Variants in SIK2 observed in about 807,000 individuals in gnomAD.
SIK2 encodes the protein serine/threonine-protein kinase SIK2.
Under a neutral mutation model 103.2 loss-of-function variants are expected in SIK2, and 29 were observed. The ratio of observed to expected loss-of-function variants is 0.28; its 90% CI spans 0.21 to 0.38. The LOEUF is 0.38. Among genes scored for constraint, SIK2 ranks in the 10% least tolerant of loss-of-function variants. The pLI is 1.00. For missense variants in SIK2, 879 were observed against 1,171.0 expected, an observed-to-expected ratio of 0.75 and a Z score of 3.64; for synonymous variants, 412 against 446.1, an observed-to-expected ratio of 0.92 and a Z score of 0.96.
chr11:111,723,255 C>T lies in SIK2; in HGVS notation c.2148-241C>T, dbSNP rs148687227. On this transcript the variant is annotated intron_variant, in intron 14 of 14. Transcript: ENST00000304987. ...CTCTCATTGTATAAAGGAAAAAACT[C>T]GGAGTCAGAGAAAATGCATTCCTGC... Among the ~76,000 whole-genome samples the T allele has an allele frequency of 6.6e-5, 10 of 152,256 alleles. No individual in the cohort carries two copies. The East Asian group carries it at 1.4e-3, about 21-fold the overall frequency.
At chr11:111,717,530 G>A (rs889061875) in intron 9 of SIK2, among the ~76,000 whole-genome samples, 4 of 152,128 alleles carry the variant, frequency 2.6e-5, no homozygotes, top group Non-Finnish European at 5.9e-5. Context: ...GGAAGACAGT[G>A]TGGCAATTCC....
In SIK2 at chr11:111,669,209, A is replaced by G. The variant is rs1942590664; in HGVS notation, c.317-18792A>G. Among the ~76,000 whole-genome samples, 4 of 152,184 alleles carry G rather than the reference A, an allele frequency of 2.6e-5. No individual in the cohort carries two copies. The South Asian group carries it at 8.3e-4, about 32-fold the overall frequency. On this transcript the variant is annotated intron_variant, in intron 3 of 14. Transcript: ENST00000304987. ...ACAACTAAACTGGTTAAGAGTTTGG[A>G]CAGGGTGAGAGAGAGAGTGTGTGTG...
At chr11:111,608,156 G>A (rs965295544) in intron 1 of SIK2, among the ~76,000 whole-genome samples, 6 of 152,036 alleles carry the variant, frequency 3.9e-5, no homozygotes, top group African/African-American at 7.2e-5. Flanking sequence ...CAGAACATTG[G>A]TGTAGAATAC....
At position 111,602,597 on chromosome 11, in the gene SIK2, C is replaced by T; in HGVS notation, c.34C>T (p.Arg12Cys). Residue 12 changes from arginine to cysteine, a missense_variant, in exon 1 of 15, where the codon CGC becomes TGC. This residue lies in a region of SIK2 where 47 missense variants were observed against 43.9 expected (regional missense o/e 1.07). Transcript: ENST00000304987. This position sits in a 1 kb window ranked among gnomAD's most constrained non-coding sequence, Gnocchi z 4.5. ...GGCGGATGGCCCGAGGCACTTGCAG[C>T]GCGGGCCGGTCCGGGTGGGGTTCTA... is the stretch of plus-strand genomic sequence containing the variant. ...VMADGPRHLQ[R>C]GPVRVGFYDI... 6.5e-7 allele frequency: 1 copy of T among 1,532,622 alleles called. No homozygotes were observed. The highest frequency in any genetic ancestry group is 8.8e-7 in the Non-Finnish European group (1 of 1,139,638). 94.9% of individuals were successfully genotyped at this position (1,532,622 alleles called of 1,614,324 possible). A position where few individuals can be genotyped will look rare whatever the true frequency, so the allele number is the denominator to read the frequency against.
chr11:111,677,200 G>C (rs946270564), intron 3 of SIK2, among the ~76,000 whole-genome samples: 2 of 152,044 alleles, frequency 1.3e-5, no homozygotes, highest in Non-Finnish European at 2.9e-5. Flanking sequence ...TTCAGTTTTT[G>C]TTTTTGTTTT....
At chr11:111,611,397 T>C (rs1941724805) in intron 1 of SIK2, among the ~76,000 whole-genome samples, 2 of 152,330 alleles carry the variant, frequency 1.3e-5, no homozygotes, top group Admixed American at 6.5e-5. Flanking sequence ...AGAAAAATTA[T>C]AATCTATTTT....
intron 3 of SIK2, among the ~76,000 whole-genome samples, chr11:111,655,074 A>G (rs2135866454): frequency 1.3e-5 from 2 of 152,336 alleles, no homozygotes; most frequent in African/African-American, 4.8e-5. Context: ...AGATTCTTCA[A>G]ATAAATATAT....
chr11:111,610,571 G>C (rs1199350322), intron 1 of SIK2, among the ~76,000 whole-genome samples: 1 of 124,396 alleles, frequency 8.0e-6, no homozygotes, highest in Non-Finnish European at 1.8e-5. Context: ...TTACATTTCT[G>C]CTCTTACATT....
Position 111,724,030 on chromosome 11 carries a change from C to T in SIK2, c.2682C>T (p.Ser894=). Residue 894 remains serine, a synonymous_variant, in exon 15 of 15, where the codon AGC becomes AGT. Transcript: ENST00000304987. The stretch of plus-strand genomic sequence containing the variant: ...CAGGACTGCAAGAGGCCCCCTCCAG[C>T]TACGACCCACTAGCCCTCTCTGAGC... ...RSPGLQEAPS[S]YDPLALSELP... is the part of the protein sequence containing the mutation. 6.2e-7 allele frequency: 1 copy of T among 1,614,200 alleles called. No individual in the cohort carries two copies. Among genetic ancestry groups the T allele is most frequent in the Non-Finnish European group, 8.5e-7 (1 of 1,180,042 alleles).
At chr11:111,703,164 G>T (rs749848885) in intron 6 of SIK2, 39 bp from the exon 7 acceptor site, 8 of 1,586,842 alleles carry the variant, frequency 5.0e-6, no homozygotes, top group Non-Finnish European at 4.3e-6. Flanking sequence ...GAAGTGCAAG[G>T]TGATTCTTGT....
intron 4 of SIK2, among the ~76,000 whole-genome samples, chr11:111,692,295 G>A (rs1454421679): frequency 2.2e-5 from 3 of 134,522 alleles, no homozygotes; most frequent in Admixed American, 8.4e-5. Flanking sequence ...AGGTTGCAGT[G>A]AGCTGAGATC....
intron 3 of SIK2, chr11:111,671,920 C>A (rs1192408464): frequency 4.4e-6 from 2 of 457,378 alleles, no homozygotes; most frequent in Non-Finnish European, 8.5e-6. Flanking sequence ...GCTTCTCTGA[C>A]CCAGAGTGTC....
At chr11:111,687,906 G>A in intron 3 of SIK2, 95 bp from the exon 4 acceptor site, 1 of 1,416,212 alleles carries the variant, frequency 7.1e-7, no homozygotes, top group Admixed American at 2.0e-5. Context: ...CTCCTGGCCA[G>A]AAAAAAAACT....
rs542565419 is a variant in SIK2 at position 111,653,690 on chromosome 11, G to A, written c.316+33288G>A. ...AAACAGTGAGAAATGGTCAGTTGTG[G>A]CACCAGGACGGAGATTTATGCCAAA... On this transcript the variant is annotated intron_variant, in intron 3 of 14. Coordinates refer to ENST00000304987, the MANE Select transcript of SIK2 (RefSeq NM_015191.3). 3.5e-4 allele frequency among the ~76,000 whole-genome samples: 53 copies of A among 152,272 alleles called. No homozygotes were observed. The East Asian group carries it at 6.2e-3, about 18-fold the overall frequency.
intron 9 of SIK2, among the ~76,000 whole-genome samples, chr11:111,719,448 AAAT>A (rs1440206282): frequency 6.6e-6 from 1 of 150,868 alleles, no homozygotes; most frequent in Non-Finnish European, 1.5e-5. Context: ...ATTTAAAAAA[AAAT>A]AATAACTGGT....
chr11:111,644,011 G>T (rs1565327335), intron 3 of SIK2, among the ~76,000 whole-genome samples: 1 of 151,650 alleles, frequency 6.6e-6, no homozygotes, highest in Non-Finnish European at 1.5e-5. Context: ...AAAGAGGCCA[G>T]GCGTGGTGGC....
intron 3 of SIK2, among the ~76,000 whole-genome samples, chr11:111,641,830 G>T (rs1300251849): frequency 6.6e-6 from 1 of 152,104 alleles, no homozygotes; most frequent in Non-Finnish European, 1.5e-5. Flanking sequence ...ATGGGCTTTG[G>T]AATCACAGAC....
At chr11:111,721,649 T>A (rs1481054359) in intron 12 of SIK2, among the ~76,000 whole-genome samples, 181 bp from the exon 13 acceptor site, 1 of 152,220 alleles carries the variant, frequency 6.6e-6, no homozygotes, top group African/African-American at 2.4e-5. Context: ...AGATAATACA[T>A]GCATAAATGT....
chr11:111,604,138 A>G (rs1223471478), intron 1 of SIK2, among the ~76,000 whole-genome samples: 1 of 152,282 alleles, frequency 6.6e-6, no homozygotes, highest in Admixed American at 6.5e-5. Flanking sequence ...GATAATGATA[A>G]CTTGACTATA....
Sources: allele counts gnomAD v4.1 joint callset (sites outside exome capture counted in the v4.1 genomes callset), GRCh38; gene constraint gnomAD v4.1.1; regional missense constraint gnomAD v4.1.1; non-coding constraint Gnocchi (gnomAD v3.1); transcripts MANE v1.5; gene names NCBI Gene and HGNC (gene_info 2026-07-23, HGNC 2026-07-21).